The following MTUS2 variants were observed in gnomAD, a reference collection of about 807,000 sequenced individuals.
The protein encoded by MTUS2 is microtubule associated scaffold protein 2, also known as microtubule-associated tumor suppressor candidate 2.
MTUS2 carries 40 observed loss-of-function variants against 114.1 expected under a neutral mutation model. The observed-to-expected ratio is 0.35, with a 90% CI of 0.27 to 0.46. MTUS2 has a LOEUF of 0.46. MTUS2 is among the 20% of genes least tolerant of loss of function. MTUS2 has a pLI of 1.00. For synonymous variants in MTUS2, 688 were observed against 672.0 expected (o/e 1.02, Z -0.37); for missense variants, 1,679 against 1,705.4 (o/e 0.98, Z 0.27).
rs1888555850 is a variant in MTUS2, at chr13:29,064,310, G to T, written c.2446+30185G>T. On this transcript the variant is annotated intron_variant, in intron 4 of 15. Coordinates refer to ENST00000612955, the MANE Select transcript of MTUS2 (RefSeq NM_001033602.4). ...TGGATAGATACAGAGTGTGTGGGTT[G>T]GTTGTCACTGAAAATAAAGCCAGAT... Among the ~76,000 whole-genome samples the T allele has an allele frequency of 2.6e-5, 4 of 151,822 alleles. No homozygotes were observed. In the South Asian group the frequency reaches 8.3e-4, roughly 32 times the overall value.
intron 5 of MTUS2, among the ~76,000 whole-genome samples, chr13:29,185,882 G>T (rs559923731): frequency 6.6e-6 from 1 of 152,114 alleles, no homozygotes; most frequent in African/African-American, 2.4e-5. Context: ...GAATAAAAAG[G>T]ACATTATAGA....
At chr13:29,201,335 T>C (rs868637993) in intron 5 of MTUS2, among the ~76,000 whole-genome samples, 1 of 147,180 alleles carries the variant, frequency 6.8e-6, no homozygotes. Context: ...ATGCAACCCC[T>C]GTTTTTTTTT....
intron 5 of MTUS2, among the ~76,000 whole-genome samples, chr13:29,199,804 T>C (rs986228455): frequency 3.3e-5 from 5 of 152,216 alleles, no homozygotes; most frequent in Non-Finnish European, 5.9e-5. Flanking sequence ...AGAATTTGGC[T>C]GTGAATCCAT....
chr13:28,885,692 G>A (rs1156960602), intron 2 of MTUS2, among the ~76,000 whole-genome samples: 1 of 152,170 alleles, frequency 6.6e-6, no homozygotes, highest in Non-Finnish European at 1.5e-5. Flanking sequence ...CAATCTTAAA[G>A]GTGAATATTC....
At chr13:29,348,803 C>G (rs1387289076) in intron 7 of MTUS2, among the ~76,000 whole-genome samples, 1 of 152,134 alleles carries the variant, frequency 6.6e-6, no homozygotes, top group African/African-American at 2.4e-5. Context: ...ATGAAATTAA[C>G]TTCTTTATCC....
At chr13:29,386,615 G>A (rs1872647199) in intron 8 of MTUS2, among the ~76,000 whole-genome samples, 1 of 152,156 alleles carries the variant, frequency 6.6e-6, no homozygotes, top group Non-Finnish European at 1.5e-5. Context: ...ACCAAAGTTT[G>A]GTCAAGGAGA....
chr13:29,389,634 C>CACAT (rs370261118), intron 8 of MTUS2, among the ~76,000 whole-genome samples: 30,067 of 105,338 alleles, frequency 0.29, 6,352 homozygotes, highest in Middle Eastern at 0.36. Flanking sequence ...TATGTATACA[C>CACAT]ATATGTGTAT....
At chr13:29,457,779 C>T (rs1879223948) in intron 9 of MTUS2, among the ~76,000 whole-genome samples, 1 of 152,196 alleles carries the variant, frequency 6.6e-6, no homozygotes, top group Admixed American at 6.5e-5. Flanking sequence ...TCGAGGGCCC[C>T]AGTCCCTCTA....
intron 3 of MTUS2, 68 bp downstream of exon 3, chr13:29,026,971 G>T: frequency 7.0e-7 from 1 of 1,437,266 alleles, no homozygotes; most frequent in Non-Finnish European, 9.3e-7. Context: ...TATTTTCAAT[G>T]AGTTATGAAA....
At position 29,100,644 on chromosome 13, in the gene MTUS2, G is replaced by T. The variant is rs1364661501; in HGVS notation, c.2447-129G>T. 2.6e-6 allele frequency: 3 copies of T among 1,132,432 alleles called. No individual in the cohort carries two copies. In the African/African-American group the frequency reaches 4.7e-5, roughly 18 times the overall value. The allele number at this position is 1,132,432 out of a possible 1,614,324, so 70.1% of individuals were successfully genotyped here. ...TTCCAAGGTCCATTTTAGATGTGTT[G>T]AATCAAACCTTGCAAGATTAATTTT... On this transcript the variant is annotated intron_variant, in intron 4 of 15. Transcript: ENST00000612955.
At chr13:29,456,736 A>G (rs1047423609) in intron 9 of MTUS2, among the ~76,000 whole-genome samples, 1 of 152,104 alleles carries the variant, frequency 6.6e-6, no homozygotes, top group Non-Finnish European at 1.5e-5. Flanking sequence ...AAGAAAAAAA[A>G]CTGTCAACCA....
intron 6 of MTUS2, among the ~76,000 whole-genome samples, chr13:29,318,615 GT>G (rs1386673705): frequency 6.6e-6 from 1 of 152,110 alleles, no homozygotes; most frequent in Admixed American, 6.5e-5. Context: ...TTTGCAATTG[GT>G]CTTTGTTTTA....
chr13:28,943,007 C>T (rs1055789763), intron 2 of MTUS2, among the ~76,000 whole-genome samples: 3 of 151,914 alleles, frequency 2.0e-5, no homozygotes, highest in Non-Finnish European at 2.9e-5. Flanking sequence ...AGAAGGTTAC[C>T]ATATCCTTAT....
At chr13:29,202,327 G>A (rs1894992339) in intron 5 of MTUS2, among the ~76,000 whole-genome samples, 1 of 151,962 alleles carries the variant, frequency 6.6e-6, no homozygotes, top group South Asian at 2.1e-4. Context: ...GTTTCATGAA[G>A]TTCATATGCT....
chr13:29,038,483 G>C (rs531511609), intron 4 of MTUS2, among the ~76,000 whole-genome samples: 1 of 152,322 alleles, frequency 6.6e-6, no homozygotes, highest in African/African-American at 2.4e-5. Context: ...GTCTGCCCCT[G>C]CTGGGAGGTG....
At chr13:28,918,189 G>T (rs370685710) in intron 2 of MTUS2, among the ~76,000 whole-genome samples, 2 of 151,862 alleles carry the variant, frequency 1.3e-5, no homozygotes, top group African/African-American at 4.8e-5. Flanking sequence ...CTGTTAGGTT[G>T]ATTTGATCTA....
intron 8 of MTUS2, among the ~76,000 whole-genome samples, chr13:29,364,846 A>G (rs1224303185): frequency 1.3e-5 from 2 of 152,234 alleles, no homozygotes; most frequent in African/African-American, 4.8e-5. Context: ...ATGGTCATTT[A>G]AACATAGTGT....
At chr13:29,265,362 T>G (rs1897629741) in intron 5 of MTUS2, among the ~76,000 whole-genome samples, 1 of 152,166 alleles carries the variant, frequency 6.6e-6, no homozygotes. Context: ...ATTTCAACGG[T>G]CTCTAAGAAA....
At chr13:29,060,973 G>A (rs775648921) in intron 4 of MTUS2, among the ~76,000 whole-genome samples, 5 of 151,784 alleles carry the variant, frequency 3.3e-5, no homozygotes, top group Non-Finnish European at 1.5e-5. Context: ...GCTAATTTTT[G>A]TATTTTTAGT....
Sources: gnomAD v4.1 joint callset for allele counts (sites outside exome capture counted in the v4.1 genomes callset) on GRCh38, gnomAD v4.1.1 for gene constraint, MANE v1.5 for transcripts, NCBI Gene and HGNC (gene_info 2026-07-23, HGNC 2026-07-21) for gene names.